Variants in NRG3 observed in about 807,000 individuals in gnomAD.
The protein encoded by NRG3 is neuregulin 3, also known as pro-neuregulin-3, membrane-bound isoform.
NRG3 carries 31 observed loss-of-function variants against 66.9 expected under a neutral mutation model. That is an observed-to-expected ratio of 0.46 (90% CI 0.35 to 0.63). The LOEUF (loss-of-function observed/expected upper bound fraction) is 0.63, where lower values mean the gene tolerates loss of function less well. Among genes scored for constraint, NRG3 ranks in the 20% least tolerant of loss-of-function variants. The probability of loss-of-function intolerance (pLI) is 0.00; values close to 1 mark genes in which losing one functional copy is unlikely to be tolerated. For synonymous variants in NRG3, 393 were observed against 359.4 expected (o/e 1.09, Z -1.06); for missense variants, 910 against 878.9 (o/e 1.04, Z -0.45).
At chr10:82,537,959 G>A (rs985424533) in intron 2 of NRG3, among the ~76,000 whole-genome samples, 3 of 152,124 alleles carry the variant, frequency 2.0e-5, no homozygotes, top group African/African-American at 7.2e-5. Flanking sequence ...GGGTTCTCTT[G>A]ATGTTGGCAG....
At chr10:82,394,749 A>G (rs1438256140) in intron 2 of NRG3, among the ~76,000 whole-genome samples, 2 of 152,218 alleles carry the variant, frequency 1.3e-5, no homozygotes, top group Non-Finnish European at 2.9e-5. Flanking sequence ...GTGGTTTGTC[A>G]TAATTAATAG....
At chr10:82,097,465 A>G (rs1157035313) in intron 1 of NRG3, among the ~76,000 whole-genome samples, 2 of 147,454 alleles carry the variant, frequency 1.4e-5, no homozygotes, top group African/African-American at 5.0e-5. Context: ...TATCTGTAAT[A>G]TATATATGTG....
At chr10:82,362,552 T>TTTTTTTTTTTTTTG (rs1564840189) in intron 2 of NRG3, among the ~76,000 whole-genome samples, 23 of 107,262 alleles carry the variant, frequency 2.1e-4, no homozygotes, top group Non-Finnish European at 1.0e-4. Context: ...TTCTGGGTTT[T>TTTTTTTTTTTTTTG]TTTTTTTTTT....
At chr10:82,808,492 T>A (rs1281023482) in intron 3 of NRG3, among the ~76,000 whole-genome samples, 1 of 152,178 alleles carries the variant, frequency 6.6e-6, no homozygotes, top group Non-Finnish European at 1.5e-5. Context: ...TCTTTTAATT[T>A]TGAGATATTT....
At chr10:82,159,247 A>G (rs1379899801) in intron 1 of NRG3, among the ~76,000 whole-genome samples, 1 of 151,876 alleles carries the variant, frequency 6.6e-6, no homozygotes, top group East Asian at 1.9e-4. Context: ...ATGGTTCTCT[A>G]TTGCACTCAG....
chr10:82,372,750 T>C (rs982019006), intron 2 of NRG3, among the ~76,000 whole-genome samples: 1 of 152,118 alleles, frequency 6.6e-6, no homozygotes, highest in African/African-American at 2.4e-5. Context: ...TGCACCACCA[T>C]GCTCAGCTAA....
intron 2 of NRG3, among the ~76,000 whole-genome samples, chr10:82,466,586 G>GT (rs1436712129): frequency 1.3e-5 from 2 of 152,148 alleles, no homozygotes; most frequent in East Asian, 3.9e-4. Context: ...AAGAAGACTG[G>GT]TAAATAAGCA....
chr10:82,773,368 G>A (rs1459850695), intron 3 of NRG3, among the ~76,000 whole-genome samples: 1 of 152,048 alleles, frequency 6.6e-6, no homozygotes, highest in Non-Finnish European at 1.5e-5. Flanking sequence ...GAAATGTTGG[G>A]CATTGTTATG....
At chr10:82,604,187 A>C (rs575932160) in intron 2 of NRG3, among the ~76,000 whole-genome samples, 1 of 152,004 alleles carries the variant, frequency 6.6e-6, no homozygotes, top group Admixed American at 6.6e-5. Flanking sequence ...CTTTTGTTCC[A>C]CCTATTCATC....
At chr10:81,993,698 A>G (rs771846245) in intron 1 of NRG3, among the ~76,000 whole-genome samples, 1 of 152,206 alleles carries the variant, frequency 6.6e-6, no homozygotes, top group Non-Finnish European at 1.5e-5. Context: ...TGTCAAGTCT[A>G]CAAGTTCAAA....
At chr10:82,396,904 G>T (rs1242321981) in intron 2 of NRG3, among the ~76,000 whole-genome samples, 1 of 152,154 alleles carries the variant, frequency 6.6e-6, no homozygotes. Context: ...GTCACTTAAA[G>T]AATTTGCTAT....
chr10:82,323,615 G>A (rs1002929287), intron 1 of NRG3, among the ~76,000 whole-genome samples: 3 of 151,750 alleles, frequency 2.0e-5, no homozygotes, highest in Non-Finnish European at 4.4e-5. Context: ...AGGAATGTTG[G>A]CCTAATAAAA....
At chr10:82,065,550 G>T (rs1006934700) in intron 1 of NRG3, among the ~76,000 whole-genome samples, 1 of 152,020 alleles carries the variant, frequency 6.6e-6, no homozygotes, top group Admixed American at 6.6e-5. Context: ...CCAGTCCCTG[G>T]CACATAGTAC....
intron 1 of NRG3, among the ~76,000 whole-genome samples, chr10:82,270,977 G>A (rs1029646954): frequency 1.3e-5 from 2 of 152,102 alleles, no homozygotes; most frequent in South Asian, 2.1e-4. Flanking sequence ...GGATGAGGGT[G>A]AGACCTTATC....
chr10:82,878,345 G>T (rs1842015320), intron 4 of NRG3, among the ~76,000 whole-genome samples: 1 of 152,196 alleles, frequency 6.6e-6, no homozygotes, highest in African/African-American at 2.4e-5. Flanking sequence ...GCAGGGAAGT[G>T]ATGAGATTTT....
At chr10:81,919,202 T>C (rs1396833340) in intron 1 of NRG3, among the ~76,000 whole-genome samples, 1 of 152,216 alleles carries the variant, frequency 6.6e-6, no homozygotes, top group African/African-American at 2.4e-5. Flanking sequence ...ATAGAGCACT[T>C]GAAGGGATGG....
rs758629450 is a variant in NRG3, at chr10:81,972,324, A to G, written c.823+96161A>G. ...AATCAAAACTAACCAAGTATGCAAA[A>G]AAGTGGGGAAATATGATCCATATTG... On this transcript the variant is annotated intron_variant, in intron 1 of 8. Transcript: ENST00000372141. 1.5e-3 allele frequency among the ~76,000 whole-genome samples: 224 copies of G among 152,190 alleles called. 1 individual carries two copies. The highest frequency in any genetic ancestry group is 2.7e-3 in the Non-Finnish European group (186 of 68,038).
At chr10:82,512,064 T>C (rs1201714509) in intron 2 of NRG3, among the ~76,000 whole-genome samples, 1 of 151,998 alleles carries the variant, frequency 6.6e-6, no homozygotes, top group Non-Finnish European at 1.5e-5. Flanking sequence ...AATTTTCTGG[T>C]ATATTTTCTG....
intron 1 of NRG3, among the ~76,000 whole-genome samples, chr10:81,999,159 G>C (rs1778471912): frequency 6.6e-6 from 1 of 152,116 alleles, no homozygotes; most frequent in Non-Finnish European, 1.5e-5. Flanking sequence ...TTTACTACTT[G>C]AATGATTATT....
Sources: allele counts gnomAD v4.1 joint callset (sites outside exome capture counted in the v4.1 genomes callset), GRCh38; gene constraint gnomAD v4.1.1; transcripts MANE v1.5; gene names NCBI Gene and HGNC (gene_info 2026-07-23, HGNC 2026-07-21).